TNIK: variants seen among roughly 807,000 people sequenced by gnomAD.
The protein encoded by TNIK is TRAF2 and NCK-interacting protein kinase.
A neutral mutation model predicts 191.3 loss-of-function variants in TNIK; 49 were observed. The ratio of observed to expected loss-of-function variants is 0.26; its 90% CI spans 0.20 to 0.32. TNIK has a LOEUF of 0.32. Ranked by LOEUF, TNIK falls within the 10% of genes least tolerant of loss-of-function variation. The pLI is 1.00. For missense variants in TNIK, 1,155 were observed against 1,702.3 expected (o/e 0.68, Z 5.66); for synonymous variants, 594 against 600.9 (o/e 0.99, Z 0.17).
At chr3:171,420,785 A>C (rs1187595356) in intron 1 of TNIK, among the ~76,000 whole-genome samples, 4 of 152,186 alleles carry the variant, frequency 2.6e-5, no homozygotes, top group African/African-American at 9.7e-5. Flanking sequence ...CAAGACTGCA[A>C]CAGTCAATCT....
chr3:171,203,875 T>C (rs142515757), intron 4 of TNIK, among the ~76,000 whole-genome samples: 2 of 152,292 alleles, frequency 1.3e-5, no homozygotes, highest in Non-Finnish European at 2.9e-5. Flanking sequence ...ATGAATAGAT[T>C]ATTGAGCCGC....
intron 1 of TNIK, among the ~76,000 whole-genome samples, chr3:171,401,739 A>G (rs572893360): frequency 3.9e-4 from 60 of 152,296 alleles, no homozygotes; most frequent in African/African-American, 1.4e-3. Flanking sequence ...AGATTAATCT[A>G]TATGTGGGAG....
intron 9 of TNIK, among the ~76,000 whole-genome samples, chr3:171,168,026 G>T (rs561825489): frequency 6.6e-6 from 1 of 152,140 alleles, no homozygotes; most frequent in Non-Finnish European, 1.5e-5. Context: ...CTCTAGAAAG[G>T]CAATATTTCC....
intron 1 of TNIK, among the ~76,000 whole-genome samples, chr3:171,398,523 T>C (rs1016507426): frequency 1.3e-5 from 2 of 152,184 alleles, no homozygotes; most frequent in South Asian, 4.1e-4. Flanking sequence ...CCTCTTGGTA[T>C]GGCCCACACA....
chr3:171,323,123 T>C (rs1200662965), intron 2 of TNIK, among the ~76,000 whole-genome samples: 1 of 152,226 alleles, frequency 6.6e-6, no homozygotes, highest in African/African-American at 2.4e-5. Context: ...AGTTGATTAG[T>C]TGTGACAAAG....
chr3:171,315,292 C>T (rs868096117), intron 2 of TNIK, among the ~76,000 whole-genome samples: 19 of 152,140 alleles, frequency 1.2e-4, no homozygotes, highest in Admixed American at 8.5e-4. Context: ...CTGATGATGA[C>T]GTGAACTGTG....
chr3:171,226,999 T>C (rs1743040832), intron 3 of TNIK, among the ~76,000 whole-genome samples: 1 of 152,182 alleles, frequency 6.6e-6, no homozygotes, highest in Non-Finnish European at 1.5e-5. Flanking sequence ...TCATTCATTC[T>C]ATGTCTATTT....
At chr3:171,228,248 A>G in intron 2 of TNIK, 27 bp from the exon 3 acceptor site, 4 of 1,613,090 alleles carry the variant, frequency 2.5e-6, no homozygotes, top group South Asian at 1.1e-5. Flanking sequence ...ATAACAAAAG[A>G]TTTAGTTCTG....
At chr3:171,405,452 T>C (rs1338705324) in intron 1 of TNIK, among the ~76,000 whole-genome samples, 2 of 151,888 alleles carry the variant, frequency 1.3e-5, no homozygotes, top group South Asian at 2.1e-4. Context: ...ATCAATTTTC[T>C]ATTCTATTAA....
chr3:171,348,352 C>G (rs1411325231), intron 2 of TNIK, among the ~76,000 whole-genome samples: 1 of 152,104 alleles, frequency 6.6e-6, no homozygotes, highest in Non-Finnish European at 1.5e-5. Context: ...GAGAATCCAT[C>G]TAAATTTTAA....
rs958730079 is a variant in TNIK, at chr3:171,460,236, G to C, written c.-173C>G. 3 of 813,392 alleles carry C rather than the reference G, an allele frequency of 3.7e-6. No homozygotes were observed. In the South Asian group the frequency reaches 5.1e-5, roughly 14 times the overall value. 50.4% of individuals were successfully genotyped at this position (813,392 alleles called of 1,614,324 possible). On this transcript the variant is annotated 5_prime_UTR_variant, in exon 1 of 33. Coordinates refer to ENST00000436636, the MANE Select transcript of TNIK (RefSeq NM_015028.4). The surrounding 1 kb of genome is among the most constrained non-coding windows in gnomAD (Gnocchi z 6.8). ...AGCGCCGGATCCCGATCCTCCGCGC[G>C]TCGGTCCGCCGGGTCCGGGAGCCCA...
intron 1 of TNIK, among the ~76,000 whole-genome samples, chr3:171,430,049 T>C (rs1378007992): frequency 6.6e-6 from 1 of 152,152 alleles, no homozygotes; most frequent in Non-Finnish European, 1.5e-5. Flanking sequence ...CCCACCTCCC[T>C]GTAATTTCAC....
intron 2 of TNIK, among the ~76,000 whole-genome samples, chr3:171,299,901 A>G (rs1187461111): frequency 2.0e-5 from 3 of 152,218 alleles, no homozygotes; most frequent in Non-Finnish European, 4.4e-5. Context: ...ATGGCATTTC[A>G]TACTTCTGCT....
At chr3:171,382,305 C>T (rs565429703) in intron 1 of TNIK, among the ~76,000 whole-genome samples, 3 of 150,692 alleles carry the variant, frequency 2.0e-5, no homozygotes, top group African/African-American at 7.3e-5. Flanking sequence ...ACTGCAACCT[C>T]CGTCTCCCGG....
At chr3:171,370,552 C>T (rs767778841) in intron 1 of TNIK, among the ~76,000 whole-genome samples, 2 of 152,176 alleles carry the variant, frequency 1.3e-5, no homozygotes, top group Non-Finnish European at 2.9e-5. Flanking sequence ...GAAATTGCTT[C>T]TTTAAAGGCA....
At chr3:171,292,026 G>A (rs189303756) in intron 2 of TNIK, among the ~76,000 whole-genome samples, 398 of 152,200 alleles carry the variant, frequency 2.6e-3, no homozygotes, top group Admixed American at 4.2e-3. Context: ...CCATACAGAG[G>A]ATTTTTTAAA....
intron 2 of TNIK, among the ~76,000 whole-genome samples, chr3:171,278,396 A>G (rs560927389): frequency 6.6e-6 from 1 of 152,348 alleles, no homozygotes; most frequent in East Asian, 1.9e-4. Flanking sequence ...GAAGCTTATC[A>G]ACATCAACAT....
chr3:171,243,826 G>A (rs1745265681), intron 2 of TNIK, among the ~76,000 whole-genome samples: 1 of 151,942 alleles, frequency 6.6e-6, no homozygotes, highest in South Asian at 2.1e-4. Context: ...CTTATTTGGG[G>A]GAAGACACCA....
At chr3:171,437,871 C>T (rs1466420579) in intron 1 of TNIK, among the ~76,000 whole-genome samples, 2 of 152,210 alleles carry the variant, frequency 1.3e-5, no homozygotes, top group Non-Finnish European at 2.9e-5. Flanking sequence ...TACAATGTGC[C>T]ACTAATGACA....
Sources: gnomAD v4.1 joint callset for allele counts (sites outside exome capture counted in the v4.1 genomes callset) on GRCh38, gnomAD v4.1.1 for gene constraint, Gnocchi (gnomAD v3.1) non-coding constraint, MANE v1.5 for transcripts, NCBI Gene and HGNC (gene_info 2026-07-23, HGNC 2026-07-21) for gene names.